KANK4: variants seen among roughly 807,000 people sequenced by gnomAD.
KANK4 encodes KN motif and ankyrin repeat domains 4.
A neutral mutation model predicts 80.8 loss-of-function variants in KANK4; 50 were observed. That is an observed-to-expected ratio of 0.62 (90% CI 0.49 to 0.78). The LOEUF (loss-of-function observed/expected upper bound fraction) is 0.78. KANK4 is among the 30% of genes least tolerant of loss of function. The pLI is 0.00. For missense variants in KANK4, 1,196 were observed against 1,240.1 expected, an observed-to-expected ratio of 0.96 and a Z score of 0.53; for synonymous variants, 465 against 506.9, an observed-to-expected ratio of 0.92 and a Z score of 1.11.
chr1:62,271,339 A>T (rs1226955292), intron 4 of KANK4, 139 bp downstream of exon 4: 1 of 666,100 alleles, frequency 1.5e-6, no homozygotes, highest in Non-Finnish European at 2.7e-6. Flanking sequence ...CCCGAGATGG[A>T]GTTTTAAAGG....
intron 7 of KANK4, among the ~76,000 whole-genome samples, chr1:62,260,877 G>A (rs1263002638): frequency 6.6e-6 from 1 of 152,136 alleles, no homozygotes; most frequent in Non-Finnish European, 1.5e-5. Context: ...AGCAAAAGAG[G>A]ACTCCTCTCC....
chr1:62,278,380 TCTTTCTTTCTTTCTTTC>T (rs1672368652), intron 2 of KANK4, among the ~76,000 whole-genome samples: 1 of 23,066 alleles, frequency 4.3e-5, no homozygotes, highest in African/African-American at 4.2e-4. Flanking sequence ...TTCCTTCCTT[TCTTTCTTTCTTTCTTTC>T]TTTTTTTTTT....
At chr1:62,254,451 A>G (rs4475787) in intron 7 of KANK4, among the ~76,000 whole-genome samples, 13,261 of 116,208 alleles carry the variant, frequency 0.11, 670 homozygotes, top group African/African-American at 0.17. Context: ...TGTATTGGCC[A>G]GTCTGGTCTC....
intron 7 of KANK4, among the ~76,000 whole-genome samples, chr1:62,261,138 T>C (rs1671874250): frequency 1.4e-5 from 2 of 143,916 alleles, no homozygotes; most frequent in South Asian, 4.6e-4. Context: ...AGTCCGGCAC[T>C]ACCCTCCCAA....
rs1571020404 is a variant in KANK4, at chr1:62,284,156, A to C, written c.-70-2522T>G. ...CTTCCGCACTTTCCTCCATGGTCCT[A>C]GCAACAGACATCGTGGAGCTTAGCT... On this transcript the variant is annotated intron_variant, in intron 1 of 9. Transcript: ENST00000371153. Among the ~76,000 whole-genome samples the C allele has an allele frequency of 2.0e-5, 3 of 152,272 alleles. No individual in the cohort carries two copies. The South Asian group carries it at 6.2e-4, about 32-fold the overall frequency.
chr1:62,254,880 ATTTTTT>A (rs3066333), intron 7 of KANK4, among the ~76,000 whole-genome samples: 1 of 65,730 alleles, frequency 1.5e-5, no homozygotes, highest in African/African-American at 6.6e-5. Context: ...TAAACCTGGT[ATTTTTT>A]TTTTTTTTTT....
At chr1:62,281,765 C>A in intron 1 of KANK4, 131 bp from the exon 2 acceptor site, 2 of 640,114 alleles carry the variant, frequency 3.1e-6, no homozygotes, top group Middle Eastern at 2.6e-4. Context: ...TCACAGCCCT[C>A]CAAGGAGGAA....
chr1:62,287,299 G>A (rs988290089), intron 1 of KANK4, among the ~76,000 whole-genome samples: 1 of 152,180 alleles, frequency 6.6e-6, no homozygotes, highest in African/African-American at 2.4e-5. Flanking sequence ...TCAGTAAAAG[G>A]ATTAGAGGGA....
chr1:62,242,361 C>CAAAAAA lies in KANK4; in HGVS notation c.2884-3986_2884-3981dup, dbSNP rs57320794. Among the ~76,000 whole-genome samples, 227 of 66,146 alleles carry CAAAAAA rather than the reference C, an allele frequency of 3.4e-3. 3 individuals carry two copies. The highest frequency in any genetic ancestry group is 4.1e-3 in the South Asian group (7 of 1,698). 43.4% of individuals were successfully genotyped at this position (66,146 alleles called of 152,430 possible). On this transcript the variant is annotated intron_variant, in intron 9 of 9. Transcript: ENST00000371153. The stretch of plus-strand genomic sequence containing the variant: ...TGGGCAACAGGGTGAGACCATACCT[C>CAAAAAA]AAAAAAAAAAAAAAAAAAAAAAAAA...
chr1:62,239,533 A>G lies in KANK4; in HGVS notation c.2884-1152T>C, dbSNP rs1671288699. On this transcript the variant is annotated intron_variant, in intron 9 of 9. Transcript: ENST00000371153. ...GTTCTTTTATTATTATTATTATTAT[A>G]CTTTAAGTTCTAGGGTACCTGTGCA... is the stretch of plus-strand genomic sequence containing the variant. 2.0e-5 allele frequency among the ~76,000 whole-genome samples: 3 copies of G among 152,042 alleles called. No homozygotes were observed. The South Asian group carries it at 6.2e-4, about 32-fold the overall frequency.
intron 2 of KANK4, among the ~76,000 whole-genome samples, chr1:62,276,683 G>C (rs1415802587): frequency 6.6e-6 from 1 of 150,502 alleles, no homozygotes; most frequent in Non-Finnish European, 1.5e-5. Flanking sequence ...AGGCTGAGGC[G>C]GGAGAATCGC....
At chr1:62,307,451 C>T (rs1034366446) in intron 1 of KANK4, among the ~76,000 whole-genome samples, 2 of 140,922 alleles carry the variant, frequency 1.4e-5, no homozygotes, top group Non-Finnish European at 3.0e-5. Flanking sequence ...CACTGCACTC[C>T]AGCCTGGGTG....
At chr1:62,264,782 A>G (rs1001875261) in intron 6 of KANK4, among the ~76,000 whole-genome samples, 4 of 152,192 alleles carry the variant, frequency 2.6e-5, no homozygotes, top group African/African-American at 9.7e-5. Flanking sequence ...AGATCCTAAT[A>G]TTAAGGAACA....
chr1:62,271,136 C>T (rs540217586), intron 4 of KANK4, among the ~76,000 whole-genome samples: 4 of 152,184 alleles, frequency 2.6e-5, no homozygotes, highest in Middle Eastern at 3.4e-3. Context: ...TGAAGTTCCA[C>T]GAATTAACAG....
chr1:62,312,824 G>A (rs562085407), intron 1 of KANK4, among the ~76,000 whole-genome samples: 6 of 152,248 alleles, frequency 3.9e-5, no homozygotes, highest in Non-Finnish European at 8.8e-5. Context: ...GTTGGCAGGT[G>A]CTGTGTTAAT....
intron 1 of KANK4, among the ~76,000 whole-genome samples, chr1:62,315,203 G>A (rs942169132): frequency 2.6e-5 from 4 of 152,142 alleles, no homozygotes; most frequent in Admixed American, 6.6e-5. Context: ...GCTGCTTGGC[G>A]GTGAATCTAG....
intron 9 of KANK4, among the ~76,000 whole-genome samples, chr1:62,242,343 C>T (rs1436603062): frequency 1.9e-5 from 2 of 105,150 alleles, no homozygotes; most frequent in African/African-American, 3.8e-5. Flanking sequence ...GCCTGGGCAA[C>T]AGGGTGAGAC....
Position 62,299,307 on chromosome 1 carries a change from G to A in KANK4, c.-70-17673C>T, listed in dbSNP as rs1374539248. On this transcript the variant is annotated intron_variant, in intron 1 of 9. Transcript: ENST00000371153. ...AAGTCCTGGCTCAAGTGATTCTCCC[G>A]CCACAGCCTCCTAAAGTGTTCAGAT... 6.6e-5 allele frequency among the ~76,000 whole-genome samples: 10 copies of A among 152,090 alleles called. No homozygotes were observed. In the East Asian group the frequency reaches 7.7e-4, roughly 12 times the overall value.
At chr1:62,270,347 C>T (rs1672129769) in intron 4 of KANK4, among the ~76,000 whole-genome samples, 1 of 151,918 alleles carries the variant, frequency 6.6e-6, no homozygotes, top group Non-Finnish European at 1.5e-5. Context: ...CAGCAACCCT[C>T]CTGTGACACC....
Sources: allele counts gnomAD v4.1 joint callset (sites outside exome capture counted in the v4.1 genomes callset), GRCh38; gene constraint gnomAD v4.1.1; transcripts MANE v1.5; gene names NCBI Gene and HGNC (gene_info 2026-07-23, HGNC 2026-07-21).